Variants in ADAMTS19 observed in about 807,000 individuals in gnomAD.
ADAMTS19 encodes the protein ADAM metallopeptidase with thrombospondin type 1 motif 19.
ADAMTS19 carries 93 observed loss-of-function variants against 153.3 expected under a neutral mutation model. That is an observed-to-expected ratio of 0.61 (90% CI 0.51 to 0.72). The LOEUF (loss-of-function observed/expected upper bound fraction) is 0.72, where lower values mean the gene tolerates loss of function less well. Among genes scored for constraint, ADAMTS19 ranks in the 30% least tolerant of loss-of-function variants. ADAMTS19 has a pLI of 0.00. For missense variants in ADAMTS19, 1,482 were observed against 1,552.1 expected (o/e 0.95, Z 0.76); for synonymous variants, 600 against 556.6 (o/e 1.08, Z -1.10).
At position 129,674,641 on chromosome 5, in the gene ADAMTS19, C is replaced by T. The variant is rs533418740; in HGVS notation, c.2507-5123C>T. 2.8e-4 allele frequency among the ~76,000 whole-genome samples: 42 copies of T among 152,244 alleles called. 1 individual carries two copies. The highest frequency in any genetic ancestry group is 1.0e-3 in the African/African-American group (42 of 41,572). On this transcript the variant is annotated intron_variant, in intron 16 of 22. Coordinates refer to ENST00000274487, the MANE Select transcript of ADAMTS19 (RefSeq NM_133638.6). ...GCCTCCTTACAAATTATTTATACCA[C>T]TTTATATATAATGTAAGCTCCTTAA...
chr5:129,475,099 G>GT (rs1261589602), intron 2 of ADAMTS19, among the ~76,000 whole-genome samples: 2 of 144,056 alleles, frequency 1.4e-5, no homozygotes, highest in African/African-American at 5.6e-5. Flanking sequence ...TAAAAATCTA[G>GT]TTTATCTTTT....
intron 8 of ADAMTS19, among the ~76,000 whole-genome samples, chr5:129,601,514 A>G (rs1487010406): frequency 6.6e-6 from 1 of 152,142 alleles, no homozygotes. Context: ...AGGCCCTAAG[A>G]CTAATCTGAG....
At chr5:129,717,252 C>CA (rs1223537836) in intron 21 of ADAMTS19, among the ~76,000 whole-genome samples, 4 of 151,518 alleles carry the variant, frequency 2.6e-5, no homozygotes, top group South Asian at 2.1e-4. Context: ...TATGTGTAAG[C>CA]AAAAAAAATT....
At chr5:129,560,240 A>G (rs1753451935) in intron 7 of ADAMTS19, among the ~76,000 whole-genome samples, 1 of 152,230 alleles carries the variant, frequency 6.6e-6, no homozygotes, top group Non-Finnish European at 1.5e-5. Context: ...TTGTTCTACA[A>G]AAACAAAACA....
intron 21 of ADAMTS19, among the ~76,000 whole-genome samples, chr5:129,715,486 A>G (rs1581255788): frequency 1.3e-5 from 2 of 152,364 alleles, no homozygotes; most frequent in East Asian, 3.9e-4. Context: ...TCACATACAC[A>G]GTAACTATGT....
intron 18 of ADAMTS19, among the ~76,000 whole-genome samples, chr5:129,694,173 A>C (rs1390237210): frequency 6.6e-6 from 1 of 152,182 alleles, no homozygotes; most frequent in Non-Finnish European, 1.5e-5. Flanking sequence ...TTGTATATAA[A>C]ACTTGCCATT....
intron 17 of ADAMTS19, among the ~76,000 whole-genome samples, chr5:129,681,729 C>A (rs969393322): frequency 3.3e-5 from 5 of 152,074 alleles, no homozygotes; most frequent in African/African-American, 7.2e-5. Flanking sequence ...TGCCTTAAAT[C>A]AAAAATGTAA....
intron 4 of ADAMTS19, among the ~76,000 whole-genome samples, chr5:129,527,189 A>T (rs1368058457): frequency 1.3e-5 from 2 of 151,924 alleles, no homozygotes; most frequent in African/African-American, 4.8e-5. Flanking sequence ...GGCAAACCTC[A>T]TTCAAGGAAG....
chr5:129,704,288 C>G lies in ADAMTS19; in HGVS notation c.3209C>G (p.Thr1070Ser). 6.2e-7 allele frequency: 1 copy of G among 1,614,062 alleles called. No homozygotes were observed. The change falls in exon 21 of 23, where the codon ACC (threonine) becomes AGC (serine). Residue 1070 changes from threonine to serine, a missense_variant. Transcript: ENST00000274487. ...KGIRHRTVRC[T>S]NPRKKCVLST... ...ATACGTCATCGGACCGTTAGATGTA[C>G]CAACCCAAGAAAGAAGTGTGTCCTC... is the stretch of plus-strand genomic sequence containing the variant.
rs141486499 is a variant in ADAMTS19 at position 129,621,213 on chromosome 5, C to G, written c.1619+455C>G. ...TTTCCACCATTATCATAGCCCTTTC[C>G]ATGTTCAGTGGCAGTAACACTTAGC... On this transcript the variant is annotated intron_variant, in intron 9 of 22. Transcript: ENST00000274487. Among the ~76,000 whole-genome samples the G allele has an allele frequency of 4.8e-3, 728 of 152,206 alleles. 8 individuals carry two copies. Among genetic ancestry groups the G allele is most frequent in the African/African-American group, 0.016 (675 of 41,542 alleles).
intron 16 of ADAMTS19, among the ~76,000 whole-genome samples, chr5:129,666,917 A>G (rs1177511615): frequency 6.6e-6 from 1 of 152,192 alleles, no homozygotes; most frequent in Non-Finnish European, 1.5e-5. Context: ...CAATTATACA[A>G]AATTCTAAAT....
At chr5:129,639,677 T>C (rs1229409035) in intron 10 of ADAMTS19, among the ~76,000 whole-genome samples, 1 of 151,076 alleles carries the variant, frequency 6.6e-6, no homozygotes, top group African/African-American at 2.4e-5. Context: ...GCTTTTTCAG[T>C]TCAGTATGCA....
In ADAMTS19 at chr5:129,461,508, G is replaced by A; in HGVS notation, c.498G>A (p.Pro166=). 1 of 1,511,018 alleles carries A rather than the reference G, an allele frequency of 6.6e-7. No individual in the cohort carries two copies. The highest frequency in any genetic ancestry group is 8.8e-7 in the Non-Finnish European group (1 of 1,138,108). 93.6% of individuals were successfully genotyped at this position (1,511,018 alleles called of 1,614,324 possible). ...PSPPPAQHAE[P]DGDEVLLRIP... is the part of the protein sequence containing the mutation. ...CGCCCCCGGCCCAGCATGCCGAGCC[G>A]GATGGCGACGAAGTGTTGCTGCGGA... The change falls in exon 2 of 23, where the codon CCG becomes CCA. Residue 166 remains proline (P), a synonymous_variant. Coordinates refer to ENST00000274487, the MANE Select transcript of ADAMTS19 (RefSeq NM_133638.6). This position sits in a 1 kb window ranked among gnomAD's most constrained non-coding sequence, Gnocchi z 4.6.
intron 2 of ADAMTS19, among the ~76,000 whole-genome samples, chr5:129,492,004 T>C (rs1022853445): frequency 1.3e-5 from 2 of 152,210 alleles, no homozygotes; most frequent in Admixed American, 6.5e-5. Flanking sequence ...CTTCCATTGC[T>C]GTAAAGAAAT....
At chr5:129,702,949 T>C (rs1161535194) in intron 20 of ADAMTS19, among the ~76,000 whole-genome samples, 1 of 25,046 alleles carries the variant, frequency 4.0e-5, no homozygotes, top group African/African-American at 9.0e-5. Context: ...AAAATATATA[T>C]ATATATATAT....
intron 21 of ADAMTS19, among the ~76,000 whole-genome samples, chr5:129,720,657 C>T (rs757129631): frequency 2.6e-4 from 40 of 152,188 alleles, no homozygotes; most frequent in Non-Finnish European, 3.2e-4. Context: ...AATTAGCATG[C>T]GGGACAGTCC....
chr5:129,531,620 G>C (rs1163196788), intron 6 of ADAMTS19, among the ~76,000 whole-genome samples: 1 of 152,034 alleles, frequency 6.6e-6, no homozygotes, highest in Non-Finnish European at 1.5e-5. Flanking sequence ...GCAAGACTCT[G>C]TCTCAAACAA....
In ADAMTS19 at chr5:129,684,224, C is replaced by T. The variant is rs1333140996; in HGVS notation, c.2769C>T (p.Phe923=). ...NQSSKAPEPL[F]MWTHTSWEDC... ...GCTCTAAAGCACCTGAGCCCCTCTT[C>T]ATGTGGACACACACAAGCTGGGAAG... Residue 923 remains phenylalanine, a synonymous_variant, in exon 18 of 23, where the codon TTC becomes TTT. Transcript: ENST00000274487. 1 of 1,614,208 alleles carries T rather than the reference C, an allele frequency of 6.2e-7. No individual in the cohort carries two copies. Among genetic ancestry groups the T allele is most frequent in the South Asian group, 1.1e-5 (1 of 91,084 alleles).
At position 129,545,567 on chromosome 5, in the gene ADAMTS19, A is replaced by G. The variant is rs529797145; in HGVS notation, c.1329-6297A>G. Among the ~76,000 whole-genome samples the G allele has an allele frequency of 4.6e-5, 7 of 152,318 alleles. No individual in the cohort carries two copies. In the East Asian group the frequency reaches 1.3e-3, roughly 29 times the overall value. On this transcript the variant is annotated intron_variant, in intron 6 of 22. Transcript: ENST00000274487. ...GAAAATATACCAAGTACCAAAGAAGATAAATAAAAACATGAACAGACACTT... is the reference window on the plus strand; with the variant it reads ...GAAAATATACCAAGTACCAAAGAAGGTAAATAAAAACATGAACAGACACTT...
Sources: gnomAD v4.1 joint callset for allele counts (sites outside exome capture counted in the v4.1 genomes callset) on GRCh38, gnomAD v4.1.1 for gene constraint, Gnocchi (gnomAD v3.1) non-coding constraint, MANE v1.5 for transcripts, NCBI Gene and HGNC (gene_info 2026-07-23, HGNC 2026-07-21) for gene names.